RARG: variants seen among roughly 807,000 people sequenced by gnomAD.
The protein encoded by RARG is RAR-gamma.
A neutral mutation model predicts 43.7 loss-of-function variants in RARG; 17 were observed. The ratio of observed to expected loss-of-function variants is 0.39; its 90% CI spans 0.27 to 0.58. The LOEUF (loss-of-function observed/expected upper bound fraction) is 0.58, where lower values mean the gene tolerates loss of function less well. Ranked by LOEUF, RARG falls within the 20% of genes least tolerant of loss-of-function variation. RARG has a pLI of 0.57. For missense variants in RARG, 346 were observed against 598.7 expected, an observed-to-expected ratio of 0.58 and a Z score of 4.40; for synonymous variants, 238 against 236.4, an observed-to-expected ratio of 1.01 and a Z score of -0.06.
At chr12:53,229,095 C>G (rs1464734238) in intron 2 of RARG, among the ~76,000 whole-genome samples, 1 of 152,086 alleles carries the variant, frequency 6.6e-6, no homozygotes, top group Admixed American at 6.5e-5. Context: ...TTCCTAGGAG[C>G]CCCAGAACTT....
intron 3 of RARG, among the ~76,000 whole-genome samples, chr12:53,217,051 G>A (rs374212348): frequency 2.6e-5 from 4 of 151,920 alleles, no homozygotes; most frequent in Non-Finnish European, 4.4e-5. Context: ...TCAGAAGCCC[G>A]CCCCAACGCA....
chr12:53,211,929 C>T lies in RARG; in HGVS notation c.1178-66G>A, dbSNP rs1244399257. The T allele has an allele frequency of 1.6e-6, 2 of 1,261,884 alleles. No homozygotes were observed. The highest frequency in any genetic ancestry group is 2.1e-6 in the Non-Finnish European group (2 of 963,434). 78.2% of individuals were successfully genotyped at this position (1,261,884 alleles called of 1,614,324 possible). A position where few individuals can be genotyped will look rare whatever the true frequency, so the allele number is the denominator to read the frequency against. ...GGCACATGGCCCTTAAGGCCATCTC[C>T]CTAACCTTTCTCAACTGCCCCTGAC... On this transcript the variant is annotated intron_variant, in intron 9 of 9. Transcript: ENST00000425354. This position sits in a 1 kb window ranked among gnomAD's most constrained non-coding sequence, Gnocchi z 4.6.
intron 2 of RARG, among the ~76,000 whole-genome samples, chr12:53,230,460 C>T (rs1331722887): frequency 1.3e-5 from 2 of 152,130 alleles, no homozygotes; most frequent in Non-Finnish European, 2.9e-5. Context: ...TTTTCCATGA[C>T]CCCATCTCCA....
chr12:53,222,022 C>T (rs1049646382), intron 3 of RARG, among the ~76,000 whole-genome samples: 2 of 76,462 alleles, frequency 2.6e-5, no homozygotes, highest in South Asian at 4.0e-4. Context: ...GGGGGAGGGG[C>T]GGGGGGCTGC....
At chr12:53,220,881 CG>C (rs1320557301) in intron 3 of RARG, among the ~76,000 whole-genome samples, 1 of 152,150 alleles carries the variant, frequency 6.6e-6, no homozygotes, top group Admixed American at 6.5e-5. Flanking sequence ...TCCTGAGGCT[CG>C]GGACCTGCAC....
rs928070610 is a variant in RARG, at chr12:53,213,446, G to A, written c.1018+50C>T. On this transcript the variant is annotated intron_variant, in intron 8 of 9. Coordinates refer to ENST00000425354, the MANE Select transcript of RARG (RefSeq NM_000966.6). The surrounding 1 kb of genome is among the most constrained non-coding windows in gnomAD (Gnocchi z 4.7). ...TCCCAGACAGATTCCGCATGGAGTG[G>A]TGGGAAAGGAGACTGAGCACTGAGC... 7 of 1,583,774 alleles carry A rather than the reference G, an allele frequency of 4.4e-6. No homozygotes were observed. The highest frequency in any genetic ancestry group is 6.1e-6 in the Non-Finnish European group (7 of 1,156,718).
Position 53,213,305 on chromosome 12 carries a change from G to C in RARG, c.1019-62C>G, listed in dbSNP as rs369271085. 89 of 1,504,982 alleles carry C rather than the reference G, an allele frequency of 5.9e-5. 2 individuals carry two copies. In the African/African-American group the frequency reaches 9.1e-4, roughly 15 times the overall value. 93.2% of individuals were successfully genotyped at this position (1,504,982 alleles called of 1,614,324 possible). ...AAGAGATGGGGAAGACACAGTGACAGATGGCTGATCACCAACCGGCGTTTT... is the reference window on the plus strand; with the variant it reads ...AAGAGATGGGGAAGACACAGTGACACATGGCTGATCACCAACCGGCGTTTT... On this transcript the variant is annotated intron_variant, in intron 8 of 9. Transcript: ENST00000425354. The surrounding 1 kb of genome is among the most constrained non-coding windows in gnomAD (Gnocchi z 4.7).
At chr12:53,230,875 GTGT>G (rs1943219846) in intron 2 of RARG, among the ~76,000 whole-genome samples, 2 of 148,112 alleles carry the variant, frequency 1.4e-5, no homozygotes, top group African/African-American at 5.2e-5. Context: ...GTGTGTGTGT[GTGT>G]GTGTATGTCT....
rs147914026 is a variant in RARG at position 53,227,426 on chromosome 12, C to G, written c.120G>C (p.Glu40Asp). The change falls in exon 3 of 10, where the codon GAG becomes GAC. Residue 40 changes from glutamate (E) to aspartate (D), a missense_variant. Glu to Asp is a conservative substitution (Grantham distance 45). Around this residue, in one of 8 missense-constraint regions of RARG, gnomAD observed 90 missense variants for 93.2 expected, o/e 0.97. Transcript: ENST00000425354. The surrounding 1 kb of genome is among the most constrained non-coding windows in gnomAD (Gnocchi z 4.3). Reference protein sequence around the residue: ...PGALRGSPPFEMLSPSFRGLG... With the variant: ...PGALRGSPPFDMLSPSFRGLG... ...GGCCCCGGAAGCTAGGGCTCAGCATCTCGAAAGGCGGAGACCCCCTGAGTG... is the reference window on the plus strand; with the variant it reads ...GGCCCCGGAAGCTAGGGCTCAGCATGTCGAAAGGCGGAGACCCCCTGAGTG... The G allele has an allele frequency of 6.2e-7, 1 of 1,609,300 alleles. No homozygotes were observed. Among genetic ancestry groups the G allele is most frequent in the African/African-American group, 1.3e-5 (1 of 74,738 alleles).
In RARG at chr12:53,227,296, C is replaced by A. The variant is rs1943131466; in HGVS notation, c.184+66G>T. The A allele has an allele frequency of 1.9e-5, 28 of 1,447,270 alleles. No individual in the cohort carries two copies. In the South Asian group the frequency reaches 3.9e-4, roughly 20 times the overall value. The allele number at this position is 1,447,270 out of a possible 1,614,324, so 89.7% of individuals were successfully genotyped here. ...CCTAACTGGGGTGCCAACTCTTTTACCATCCACCCTCCTGATGCCTTCTTG... is the reference window on the plus strand; with the variant it reads ...CCTAACTGGGGTGCCAACTCTTTTAACATCCACCCTCCTGATGCCTTCTTG... On this transcript the variant is annotated intron_variant, in intron 3 of 9. Transcript: ENST00000425354. This position sits in a 1 kb window ranked among gnomAD's most constrained non-coding sequence, Gnocchi z 4.3.
At chr12:53,221,359 G>A (rs1942957312) in intron 3 of RARG, among the ~76,000 whole-genome samples, 1 of 152,078 alleles carries the variant, frequency 6.6e-6, no homozygotes, top group Non-Finnish European at 1.5e-5. Flanking sequence ...TACCCCATAA[G>A]CTGTGCCTGC....
At chr12:53,212,737 TACACACACACACAC>T (rs1160084920) in intron 9 of RARG, among the ~76,000 whole-genome samples, 96 of 133,764 alleles carry the variant, frequency 7.2e-4, no homozygotes, top group African/African-American at 2.4e-3. Context: ...AATATATATA[TACACACACACACAC>T]ACACACACAC....
chr12:53,216,209 C>CT (rs1435947743), intron 3 of RARG, among the ~76,000 whole-genome samples: 1 of 152,148 alleles, frequency 6.6e-6, no homozygotes, highest in Non-Finnish European at 1.5e-5. Context: ...TTTGGTATAT[C>CT]TTTGTCAGGT....
intron 3 of RARG, among the ~76,000 whole-genome samples, chr12:53,224,161 G>A (rs1352918946): frequency 6.6e-6 from 1 of 151,966 alleles, no homozygotes; most frequent in Non-Finnish European, 1.5e-5. Flanking sequence ...CATGAGCACA[G>A]GCCTGTGCTT....
At chr12:53,214,385 C>T (rs931646494) in intron 6 of RARG, 61 bp downstream of exon 6, 10 of 1,583,058 alleles carry the variant, frequency 6.3e-6, no homozygotes, top group Non-Finnish European at 7.8e-6. Context: ...CCAACACAAC[C>T]CAGCCCCATT....
chr12:53,224,902 G>A (rs1170790949), intron 3 of RARG, among the ~76,000 whole-genome samples: 2 of 152,106 alleles, frequency 1.3e-5, no homozygotes, highest in Admixed American at 6.5e-5. Flanking sequence ...TTTGAACCCT[G>A]ACCTTGATCT....
Position 53,213,887 on chromosome 12 carries a change from C to A in RARG, c.813+172G>T. The A allele has an allele frequency of 9.3e-7, 1 of 1,080,890 alleles. No homozygotes were observed. The highest frequency in any genetic ancestry group is 1.3e-6 in the Non-Finnish European group (1 of 743,878). 67.0% of individuals were successfully genotyped at this position (1,080,890 alleles called of 1,614,324 possible). ...GGAAGTCAGGAGGAGACAGGGCATCCAAAAGTCTAGGATCAGGTCATAGGG... is the reference window on the plus strand; with the variant it reads ...GGAAGTCAGGAGGAGACAGGGCATCAAAAAGTCTAGGATCAGGTCATAGGG... On this transcript the variant is annotated intron_variant, in intron 7 of 9. Transcript: ENST00000425354. This position sits in a 1 kb window ranked among gnomAD's most constrained non-coding sequence, Gnocchi z 4.7.
intron 2 of RARG, chr12:53,230,126 A>G: frequency 3.1e-6 from 1 of 325,754 alleles, no homozygotes; most frequent in Non-Finnish European, 4.4e-6. Flanking sequence ...AGTGCAGAGT[A>G]AAAGGAAGTC....
chr12:53,227,413 T>G lies in RARG; in HGVS notation c.133A>C (p.Ser45Arg). Residue 45 changes from serine (S) to arginine (R), a missense_variant, in exon 3 of 10, where the codon AGC (serine) becomes CGC (arginine). Ser to Arg is a moderately radical substitution (Grantham distance 110). This residue lies in a region of RARG where 90 missense variants were observed against 93.2 expected (regional missense o/e 0.97). Transcript: ENST00000425354. This position sits in a 1 kb window ranked among gnomAD's most constrained non-coding sequence, Gnocchi z 4.3. ...GSPPFEMLSPSFRGLGQPDLP... is the reference protein window; with the variant it reads ...GSPPFEMLSPRFRGLGQPDLP... ...TCAGGCTGGCCCAGGCCCCGGAAGC[T>G]AGGGCTCAGCATCTCGAAAGGCGGA... The G allele has an allele frequency of 6.2e-7, 1 of 1,604,752 alleles. No individual in the cohort carries two copies. Among genetic ancestry groups the G allele is most frequent in the Non-Finnish European group, 8.5e-7 (1 of 1,175,784 alleles).
Sources: allele counts gnomAD v4.1 joint callset (sites outside exome capture counted in the v4.1 genomes callset), GRCh38; gene constraint gnomAD v4.1.1; regional missense constraint gnomAD v4.1.1; non-coding constraint Gnocchi (gnomAD v3.1); transcripts MANE v1.5; gene names NCBI Gene and HGNC (gene_info 2026-07-23, HGNC 2026-07-21).